Variants in PRDM9 observed in about 807,000 individuals in gnomAD.
The protein encoded by PRDM9 is histone-lysine N-methyltransferase PRDM9.
PRDM9 carries 47 observed loss-of-function variants against 55.6 expected under a neutral mutation model. The observed-to-expected ratio is 0.85, with a 90% CI of 0.67 to 1.08. The LOEUF is 1.08. Among genes scored for constraint, PRDM9 ranks in the 50% least tolerant of loss-of-function variants. The pLI is 0.00. For synonymous variants in PRDM9, 312 were observed against 375.7 expected (o/e 0.83, Z 1.96); for missense variants, 867 against 1,040.3 (o/e 0.83, Z 2.29).
Position 23,508,980 on chromosome 5 carries a change from G to A in PRDM9, c.-54G>A. ...TTTGGCCTAGGAGCTGGGAGACTCA[G>A]GGCCCTTCTCACACTCAGAATTGGA... is the stretch of plus-strand genomic sequence containing the variant. On this transcript the variant is annotated 5_prime_UTR_variant, in exon 2 of 11. Transcript: ENST00000296682. 1 of 1,601,460 alleles carries A rather than the reference G, an allele frequency of 6.2e-7. No individual in the cohort carries two copies. Among genetic ancestry groups the A allele is most frequent in the Non-Finnish European group, 8.5e-7 (1 of 1,170,364 alleles).
chr5:23,509,403 G>C (rs1483863248), intron 2 of PRDM9, 67 bp from the exon 3 acceptor site: 5 of 1,611,058 alleles, frequency 3.1e-6, no homozygotes, highest in Non-Finnish European at 4.2e-6. Context: ...CTACACACAG[G>C]GTAGAGGAAA....
At chr5:23,525,572 T>C (rs1181093708) in intron 10 of PRDM9, among the ~76,000 whole-genome samples, 1 of 152,210 alleles carries the variant, frequency 6.6e-6, no homozygotes, top group Non-Finnish European at 1.5e-5. Context: ...CAGTGGGACC[T>C]GGACCACTCT....
chr5:23,513,871 G>A (rs982692894), intron 4 of PRDM9, among the ~76,000 whole-genome samples: 5 of 151,902 alleles, frequency 3.3e-5, no homozygotes, highest in African/African-American at 9.7e-5. Flanking sequence ...AGAACGAGAC[G>A]CCGTGTCAAA....
At chr5:23,523,795 T>C (rs951524619) in intron 9 of PRDM9, among the ~76,000 whole-genome samples, 1 of 152,170 alleles carries the variant, frequency 6.6e-6, no homozygotes, top group African/African-American at 2.4e-5. Context: ...AATCAACTAT[T>C]ACTGTTCTAT....
At chr5:23,518,580 T>C (rs1739265957) in intron 5 of PRDM9, among the ~76,000 whole-genome samples, 1 of 152,210 alleles carries the variant, frequency 6.6e-6, no homozygotes, top group Non-Finnish European at 1.5e-5. Flanking sequence ...AAGGGACCCA[T>C]TCTGATCAGA....
intron 4 of PRDM9, among the ~76,000 whole-genome samples, chr5:23,514,649 A>G (rs1437755810): frequency 6.6e-6 from 1 of 152,118 alleles, no homozygotes; most frequent in Non-Finnish European, 1.5e-5. Flanking sequence ...CATGTTGACC[A>G]GGCTGGTCTC....
chr5:23,523,424 C>T, intron 9 of PRDM9, 66 bp downstream of exon 9: 5 of 1,514,570 alleles, frequency 3.3e-6, no homozygotes, highest in Non-Finnish European at 4.6e-6. Flanking sequence ...GATTTCCTTC[C>T]TTATCATTAT....
chr5:23,514,526 G>T (rs755687044), intron 4 of PRDM9, among the ~76,000 whole-genome samples: 4 of 151,934 alleles, frequency 2.6e-5, no homozygotes, highest in Non-Finnish European at 5.9e-5. Context: ...TCAGCTCACT[G>T]CAAACTCCAC....
Position 23,522,378 on chromosome 5 carries a change from A to T in PRDM9, c.583A>T (p.Ser195Cys). 6.2e-7 allele frequency: 1 copy of T among 1,614,158 alleles called. No homozygotes were observed. Among genetic ancestry groups the T allele is most frequent in the Non-Finnish European group, 8.5e-7 (1 of 1,179,966 alleles). Reference protein sequence around the residue: ...ERKGHAYKEVSEPQDDDYLYC... With the variant: ...ERKGHAYKEVCEPQDDDYLYC... ...AAAGGGTCATGCATACAAAGAGGTC[A>T]GCGAGCCGCAGGATGATGATTACCT... The change falls in exon 7 of 11, where the codon AGC (serine) becomes TGC (cysteine). Residue 195 changes from serine (S) to cysteine (C), a missense_variant. Physicochemically the swap from Ser to Cys is moderately radical, Grantham distance 112. Transcript: ENST00000296682.
At position 23,523,286 on chromosome 5, in the gene PRDM9, C is replaced by T. The variant is rs1739370373; in HGVS notation, c.883-5C>T. On this transcript the variant is annotated splice_polypyrimidine_tract_variant and splice_region_variant and intron_variant, in intron 8 of 10. Transcript: ENST00000296682. Reference sequence around the variant, plus strand: ...AAGCCTTTGCCTTGTTTTTCTGAAACTCAGATCACCAAGGGGAGAAACTGC... The same window carrying T: ...AAGCCTTTGCCTTGTTTTTCTGAAATTCAGATCACCAAGGGGAGAAACTGC... The T allele has an allele frequency of 1.2e-6, 2 of 1,613,324 alleles. No homozygotes were observed. Among genetic ancestry groups the T allele is most frequent in the Non-Finnish European group, 1.7e-6 (2 of 1,179,268 alleles).
At chr5:23,510,079 A>C in intron 4 of PRDM9, 52 bp downstream of exon 4, 3 of 1,442,802 alleles carry the variant, frequency 2.1e-6, no homozygotes, top group Non-Finnish European at 2.8e-6. Context: ...TTTGAGATGG[A>C]GTTTTGCTCT....
intron 5 of PRDM9, among the ~76,000 whole-genome samples, chr5:23,519,027 G>C (rs1042478875): frequency 1.3e-5 from 2 of 152,160 alleles, no homozygotes; most frequent in African/African-American, 4.8e-5. Flanking sequence ...TCAGGACTAT[G>C]AGATAATTTT....
Position 23,526,370 on chromosome 5 carries a change from G to A in PRDM9, c.1282G>A (p.Glu428Lys). ...GPSARKLLQP[E>K]NPCPGDQNQE... ...ATCTGCAAGAAAACTCCTCCAACCA[G>A]AGAATCCCTGCCCAGGGGATCAGAA... The change falls in exon 11 of 11, where the codon GAG (glutamate) becomes AAG (lysine). Residue 428 changes from glutamate (E) to lysine (K), a missense_variant. Physicochemically the swap from Glu to Lys is moderately conservative, Grantham distance 56. Transcript: ENST00000296682. The A allele has an allele frequency of 6.2e-7, 1 of 1,614,160 alleles. No homozygotes were observed. The highest frequency in any genetic ancestry group is 8.5e-7 in the Non-Finnish European group (1 of 1,180,044).
intron 10 of PRDM9, among the ~76,000 whole-genome samples, chr5:23,525,219 G>A (rs181453727): frequency 7.9e-4 from 121 of 152,304 alleles, no homozygotes; most frequent in South Asian, 4.8e-3. Flanking sequence ...GGCACAGGGC[G>A]CAGCTAGTGC....
chr5:23,528,018 C>A lies in PRDM9; in HGVS notation c.*245C>A. The stretch of plus-strand genomic sequence containing the variant: ...GACATCAGCATGTGTGGTTCTTTCC[C>A]GCACTGATCCCCTCCATTTTTTGTT... On this transcript the variant is annotated 3_prime_UTR_variant, in exon 11 of 11. Transcript: ENST00000296682. 3.3e-6 allele frequency: 2 copies of A among 613,940 alleles called. No homozygotes were observed. The highest frequency in any genetic ancestry group is 2.8e-6 in the Non-Finnish European group (1 of 354,726). The allele number at this position is 613,940 out of a possible 1,614,324, so 38.0% of individuals were successfully genotyped here. A position where few individuals can be genotyped will look rare whatever the true frequency, so the allele number is the denominator to read the frequency against.
chr5:23,526,100 C>T, intron 10 of PRDM9, 133 bp from the exon 11 acceptor site: 1 of 1,079,056 alleles, frequency 9.3e-7, no homozygotes, highest in Non-Finnish European at 1.4e-6. Context: ...AAAGGTCCAT[C>T]CAGCACTTGG....
At chr5:23,520,406 G>C (rs1177088519) in intron 5 of PRDM9, among the ~76,000 whole-genome samples, 1 of 149,456 alleles carries the variant, frequency 6.7e-6, no homozygotes, top group Non-Finnish European at 1.5e-5. Flanking sequence ...CCAATTTCTG[G>C]ATCAGGAAAC....
chr5:23,512,860 A>G (rs566844732), intron 4 of PRDM9, among the ~76,000 whole-genome samples: 1 of 152,188 alleles, frequency 6.6e-6, no homozygotes, highest in Non-Finnish European at 1.5e-5. Context: ...TATACATGGA[A>G]TCAGCCATGA....
In PRDM9 at chr5:23,526,411, T is replaced by C. The variant is rs1388873734; in HGVS notation, c.1323T>C (p.Tyr441=). The C allele has an allele frequency of 1.2e-6, 2 of 1,612,476 alleles. No individual in the cohort carries two copies. The highest frequency in any genetic ancestry group is 1.7e-6 in the Non-Finnish European group (2 of 1,179,590). Residue 441 remains tyrosine, a synonymous_variant, in exon 11 of 11, where the codon TAT becomes TAC. Transcript: ENST00000296682. ...GGGATCAGAATCAGGAGCAGCAATA[T>C]CCAGATCCACACAGCCGTAATGACA... is the stretch of plus-strand genomic sequence containing the variant. ...CPGDQNQEQQ[Y]PDPHSRNDKT... is the part of the protein sequence containing the mutation.
Sources: allele counts gnomAD v4.1 joint callset (sites outside exome capture counted in the v4.1 genomes callset), GRCh38; gene constraint gnomAD v4.1.1; transcripts MANE v1.5; gene names NCBI Gene and HGNC (gene_info 2026-07-23, HGNC 2026-07-21).